The following SUPT3H variants were observed in gnomAD, a reference collection of about 807,000 sequenced individuals.
SUPT3H encodes transcription initiation protein SPT3 homolog.
SUPT3H carries 44 observed loss-of-function variants against 44.3 expected under a neutral mutation model. The observed-to-expected ratio is 0.99, with a 90% CI of 0.78 to 1.28. The LOEUF (loss-of-function observed/expected upper bound fraction) is 1.28. SUPT3H is among the 50% of genes most tolerant of loss of function. The pLI is 0.00. For synonymous variants in SUPT3H, 124 were observed against 125.6 expected, an observed-to-expected ratio of 0.99 and a Z score of 0.09; for missense variants, 380 against 387.1, an observed-to-expected ratio of 0.98 and a Z score of 0.15.
chr6:45,313,657 A>AT (rs1408819178), intron 2 of SUPT3H, among the ~76,000 whole-genome samples: 2 of 258 alleles, frequency 7.8e-3, no homozygotes, highest in African/African-American at 0.077. Context: ...TAAAAATTAT[A>AT]AAAAAAAAAA....
intron 6 of SUPT3H, among the ~76,000 whole-genome samples, chr6:44,988,981 C>T (rs554298663): frequency 1.5e-3 from 221 of 152,138 alleles, no homozygotes; most frequent in African/African-American, 5.0e-3. Context: ...TGTAAATTTT[C>T]TTATAGATGT....
chr6:44,819,466 C>A lies in SUPT3H; in HGVS notation c.*53-9965G>T, dbSNP rs74431233. Reference sequence around the variant, plus strand: ...TATAAAAAGGGTTTATACCTATATGCAAACTAGATCAGACTAAGCATTTTT... The same window carrying A: ...TATAAAAAGGGTTTATACCTATATGAAAACTAGATCAGACTAAGCATTTTT... On this transcript the variant is annotated intron_variant and NMD_transcript_variant, in intron 11 of 11. Coordinates refer to the SUPT3H transcript ENST00000475057. Among the ~76,000 whole-genome samples the A allele has an allele frequency of 1.8e-3, 266 of 150,876 alleles. 2 individuals are homozygous for A. The highest frequency in any genetic ancestry group is 6.2e-3 in the African/African-American group (252 of 40,876).
intron 2 of SUPT3H, among the ~76,000 whole-genome samples, chr6:45,317,824 CA>C (rs1313219822): frequency 9.2e-5 from 14 of 151,990 alleles, no homozygotes; most frequent in African/African-American, 3.4e-4. Flanking sequence ...GCAACAAAAG[CA>C]AAAATAGGCA....
At chr6:44,912,544 T>G (rs148100797) in intron 10 of SUPT3H, among the ~76,000 whole-genome samples, 9 of 152,320 alleles carry the variant, frequency 5.9e-5, no homozygotes, top group Admixed American at 2.0e-4. Flanking sequence ...GAACAATGTT[T>G]GTGATAGGAG....
chr6:45,022,478 T>C lies in SUPT3H; in HGVS notation c.187-1846A>G, dbSNP rs772722377. Among the ~76,000 whole-genome samples the C allele has an allele frequency of 1.8e-4, 28 of 151,816 alleles. 1 individual carries two copies. Among genetic ancestry groups the C allele is most frequent in the Non-Finnish European group, 3.7e-4 (25 of 67,918 alleles). ...GACCACTGTAAGGATCTGGAATTTA[T>C]ATCATGGTTATCCTGTCGTATGTAG... On this transcript the variant is annotated intron_variant, in intron 3 of 10. Coordinates refer to ENST00000371459, the MANE Select transcript of SUPT3H (RefSeq NM_003599.4).
chr6:45,375,660 C>T (rs1234076055), intron 1 of SUPT3H, among the ~76,000 whole-genome samples: 1 of 152,128 alleles, frequency 6.6e-6, no homozygotes, highest in Non-Finnish European at 1.5e-5. Flanking sequence ...CCTCTGGCCT[C>T]AGCCTCCCAA....
At chr6:45,060,786 A>C (rs1444614993) in intron 3 of SUPT3H, among the ~76,000 whole-genome samples, 2 of 152,218 alleles carry the variant, frequency 1.3e-5, no homozygotes, top group Non-Finnish European at 2.9e-5. Flanking sequence ...AAGTGGGCAA[A>C]GGACGTGAAC....
intron 2 of SUPT3H, among the ~76,000 whole-genome samples, chr6:45,339,270 G>T (rs748265660): frequency 6.6e-6 from 1 of 152,092 alleles, no homozygotes; most frequent in Non-Finnish European, 1.5e-5. Context: ...GAATTACCTG[G>T]GGAGTAAGTC....
chr6:44,999,759 C>G (rs1426693910), intron 6 of SUPT3H, among the ~76,000 whole-genome samples: 1 of 152,006 alleles, frequency 6.6e-6, no homozygotes, highest in Non-Finnish European at 1.5e-5. Context: ...ATACTAGAAG[C>G]TTTCAATGCT....
intron 9 of SUPT3H, among the ~76,000 whole-genome samples, chr6:44,945,048 T>C (rs1445309005): frequency 6.6e-6 from 1 of 152,022 alleles, no homozygotes; most frequent in Admixed American, 6.6e-5. Flanking sequence ...TATGTCTCTG[T>C]GTCATATTTT....
chr6:44,837,110 G>T (rs1368764394), intron 10 of SUPT3H, among the ~76,000 whole-genome samples: 2 of 152,074 alleles, frequency 1.3e-5, no homozygotes, highest in Non-Finnish European at 2.9e-5. Context: ...TTACTCAACT[G>T]CATTTTCAAG....
At chr6:45,240,194 A>AC (rs1347144377) in intron 2 of SUPT3H, among the ~76,000 whole-genome samples, 1 of 151,898 alleles carries the variant, frequency 6.6e-6, no homozygotes. Flanking sequence ...GATTGCGAGG[A>AC]CCCCCCAGTT....
intron 9 of SUPT3H, among the ~76,000 whole-genome samples, chr6:44,950,155 C>A (rs1205653238): frequency 6.6e-6 from 1 of 152,152 alleles, no homozygotes; most frequent in Non-Finnish European, 1.5e-5. Flanking sequence ...CTTTAATGGT[C>A]AAACACCTCA....
At chr6:45,236,259 A>C (rs1769109944) in intron 2 of SUPT3H, among the ~76,000 whole-genome samples, 1 of 152,112 alleles carries the variant, frequency 6.6e-6, no homozygotes, top group Admixed American at 6.5e-5. Context: ...TTGGGGCTCA[A>C]ACCCAGGTCG....
intron 2 of SUPT3H, among the ~76,000 whole-genome samples, chr6:45,176,972 A>C (rs1812053405): frequency 6.6e-6 from 1 of 152,190 alleles, no homozygotes; most frequent in Non-Finnish European, 1.5e-5. Flanking sequence ...ATGGGGAAAA[A>C]ACAGAGCAGA....
chr6:45,237,701 G>A (rs1769455214), intron 2 of SUPT3H, among the ~76,000 whole-genome samples: 1 of 152,172 alleles, frequency 6.6e-6, no homozygotes, highest in Admixed American at 6.5e-5. Context: ...AACAATGGCT[G>A]CTAAGTAAAG....
At chr6:45,356,398 C>CT (rs987451278) in intron 2 of SUPT3H, among the ~76,000 whole-genome samples, 2 of 150,604 alleles carry the variant, frequency 1.3e-5, no homozygotes, top group African/African-American at 4.9e-5. Flanking sequence ...ATTCTCATTT[C>CT]TTTTTTTTTC....
chr6:44,891,100 C>T (rs1386858278), intron 10 of SUPT3H, among the ~76,000 whole-genome samples: 3 of 152,014 alleles, frequency 2.0e-5, no homozygotes, highest in Non-Finnish European at 4.4e-5. Context: ...GTACATTCTG[C>T]ACATGTATCC....
intron 2 of SUPT3H, among the ~76,000 whole-genome samples, chr6:45,109,960 C>CA (rs1382051910): frequency 6.6e-6 from 1 of 152,140 alleles, no homozygotes; most frequent in African/African-American, 2.4e-5. Context: ...ATGCCTGTGA[C>CA]AATACCAGTA....
Sources: gnomAD v4.1 joint callset for allele counts (sites outside exome capture counted in the v4.1 genomes callset) on GRCh38, gnomAD v4.1.1 for gene constraint, MANE v1.5 for transcripts, NCBI Gene and HGNC (gene_info 2026-07-23, HGNC 2026-07-21) for gene names.